CNOT2: variants seen among roughly 807,000 people sequenced by gnomAD.
CNOT2 encodes CCR4-NOT transcription complex subunit 2, also known as CC chemokine receptor 4-negative regulator of transcription 2.
In CNOT2, 7 loss-of-function variants were observed where a neutral mutation model predicts 72.1. The ratio of observed to expected loss-of-function variants is 0.10; its 90% CI spans 0.06 to 0.18. The LOEUF (loss-of-function observed/expected upper bound fraction) is 0.18, where lower values mean the gene tolerates loss of function less well. Among genes scored for constraint, CNOT2 ranks in the 10% least tolerant of loss-of-function variants. The probability of loss-of-function intolerance (pLI) is 1.00; values close to 1 mark genes in which losing one functional copy is unlikely to be tolerated. For missense variants in CNOT2, 345 were observed against 660.3 expected, an observed-to-expected ratio of 0.52 and a Z score of 5.23; for synonymous variants, 196 against 225.6, an observed-to-expected ratio of 0.87 and a Z score of 1.17.
At chr12:70,341,397 A>G (rs1046728403) in intron 11 of CNOT2, among the ~76,000 whole-genome samples, 16 of 152,098 alleles carry the variant, frequency 1.1e-4, no homozygotes, top group East Asian at 3.9e-4. Context: ...TAATATGACT[A>G]TGTCCCTTAT....
intron 2 of CNOT2, chr12:70,278,538 C>A: frequency 2.6e-6 from 1 of 391,346 alleles, no homozygotes; most frequent in South Asian, 4.3e-5. Flanking sequence ...ATTTGATATA[C>A]AAGTTATGAC....
rs145619141 is a variant in CNOT2, at chr12:70,338,903, C to G, written c.1178+81C>G. 4.1e-4 allele frequency: 473 copies of G among 1,165,878 alleles called. 2 individuals are homozygous for G. In the African/African-American group the frequency reaches 6.8e-3, roughly 17 times the overall value. The allele number at this position is 1,165,878 out of a possible 1,614,324, so 72.2% of individuals were successfully genotyped here. On this transcript the variant is annotated intron_variant, in intron 11 of 15. Transcript: ENST00000229195. Reference sequence around the variant, plus strand: ...TTTTAATATCATGTCATCAAATTATCTCACCTACTGCTACTCATTGTTAAC... The same window carrying G: ...TTTTAATATCATGTCATCAAATTATGTCACCTACTGCTACTCATTGTTAAC...
intron 1 of CNOT2, among the ~76,000 whole-genome samples, chr12:70,253,853 A>C (rs1958276881): frequency 6.6e-6 from 1 of 152,166 alleles, no homozygotes; most frequent in South Asian, 2.1e-4. Flanking sequence ...ATAGCACTGA[A>C]CCTTATATGT....
chr12:70,322,504 T>C (rs1430107773), intron 4 of CNOT2: 2 of 151,812 alleles, frequency 1.3e-5, no homozygotes, highest in African/African-American at 2.4e-5. Flanking sequence ...TGTCATTTAC[T>C]GAGTGCTTTC....
intron 2 of CNOT2, among the ~76,000 whole-genome samples, chr12:70,294,608 A>G (rs80220573): frequency 0.095 from 14,527 of 152,124 alleles, 894 homozygotes; most frequent in Middle Eastern, 0.19. Flanking sequence ...ACCCATGTTC[A>G]AAAAAGAAGC....
chr12:70,345,715 G>C (rs11178195), intron 14 of CNOT2: 33,183 of 152,108 alleles, frequency 0.22, 4,314 homozygotes, highest in Admixed American at 0.34. Context: ...TTTCAAGATA[G>C]TTAAAAAATT....
chr12:70,248,565 A>G (rs1002783241), intron 1 of CNOT2, among the ~76,000 whole-genome samples: 1 of 152,098 alleles, frequency 6.6e-6, no homozygotes, highest in Non-Finnish European at 1.5e-5. Context: ...CTCAAATCTG[A>G]AACTGTGTTT....
At chr12:70,283,930 A>ATTTTTTT (rs776119049) in intron 2 of CNOT2, among the ~76,000 whole-genome samples, 4 of 117,430 alleles carry the variant, frequency 3.4e-5, no homozygotes, top group East Asian at 2.7e-4. Context: ...CATGATGTAA[A>ATTTTTTT]TTTTTTTTTT....
rs2293279 is a variant in CNOT2, at chr12:70,342,434, C to T, written c.1290+127C>T. The T allele has an allele frequency of 0.042, 45,101 of 1,075,370 alleles. 4,791 individuals are homozygous for T. In the East Asian group the frequency reaches 0.42, roughly 10 times the overall value. The allele number at this position is 1,075,370 out of a possible 1,614,324, so 66.6% of individuals were successfully genotyped here. Reference sequence around the variant, plus strand: ...GTCTCAGGGATATGCTTTCATATGTCCATGTTAACTTGTTAAATGGTAAAT... The same window carrying T: ...GTCTCAGGGATATGCTTTCATATGTTCATGTTAACTTGTTAAATGGTAAAT... On this transcript the variant is annotated intron_variant, in intron 13 of 15. Transcript: ENST00000229195.
At chr12:70,257,043 T>C (rs555222393) in intron 1 of CNOT2, among the ~76,000 whole-genome samples, 1 of 151,944 alleles carries the variant, frequency 6.6e-6, no homozygotes, top group Admixed American at 6.6e-5. Context: ...ATTTTTTTTT[T>C]ACTTTTATAA....
At chr12:70,305,482 G>A (rs76914203) in intron 2 of CNOT2, among the ~76,000 whole-genome samples, 241 of 152,284 alleles carry the variant, frequency 1.6e-3, no homozygotes, top group African/African-American at 5.6e-3. Context: ...GGAAATGACC[G>A]TAGAGATGAA....
chr12:70,301,492 T>G (rs1270995976), intron 2 of CNOT2, among the ~76,000 whole-genome samples: 1 of 152,186 alleles, frequency 6.6e-6, no homozygotes, highest in African/African-American at 2.4e-5. Context: ...GCCGTTTTTT[T>G]TCTTTGGTTC....
intron 11 of CNOT2, among the ~76,000 whole-genome samples, chr12:70,339,113 C>T (rs185937860): frequency 4.0e-5 from 6 of 150,016 alleles, no homozygotes; most frequent in Admixed American, 1.3e-4. Flanking sequence ...CACACACACA[C>T]CTTCCAGAAT....
chr12:70,330,685 G>GTA (rs777269236), intron 6 of CNOT2: 10 of 433,300 alleles, frequency 2.3e-5, no homozygotes, highest in Non-Finnish European at 4.1e-5. Flanking sequence ...TTTTGTTGTT[G>GTA]TGGTTGTTAG....
intron 2 of CNOT2, among the ~76,000 whole-genome samples, chr12:70,306,644 A>G (rs961827859): frequency 6.6e-6 from 1 of 152,218 alleles, no homozygotes; most frequent in African/African-American, 2.4e-5. Context: ...GTGAGTGTCA[A>G]GTAAAAAGGT....
chr12:70,314,822 C>T (rs1328006506), intron 3 of CNOT2, among the ~76,000 whole-genome samples: 1 of 150,194 alleles, frequency 6.7e-6, no homozygotes, highest in Non-Finnish European at 1.5e-5. Context: ...TCCCTTGCCC[C>T]TTTTCTCTTT....
In CNOT2 at chr12:70,298,788, G is replaced by A. The variant is rs996245448; in HGVS notation, c.49-12107G>A. 2.6e-4 allele frequency among the ~76,000 whole-genome samples: 40 copies of A among 152,288 alleles called. 1 individual carries two copies. Among genetic ancestry groups the A allele is most frequent in the Middle Eastern group, 3.4e-3 (1 of 294 alleles). ...GAAGGTATGGCAAGGGTTTGGTGGTGTCAGGGGACTTAGGAGAGAAGTTAG... is the reference window on the plus strand; with the variant it reads ...GAAGGTATGGCAAGGGTTTGGTGGTATCAGGGGACTTAGGAGAGAAGTTAG... On this transcript the variant is annotated intron_variant, in intron 2 of 15. Coordinates refer to ENST00000229195, the MANE Select transcript of CNOT2 (RefSeq NM_014515.7).
intron 14 of CNOT2, chr12:70,344,719 C>G (rs1285996566): frequency 6.6e-6 from 1 of 152,104 alleles, no homozygotes; most frequent in East Asian, 1.9e-4. Context: ...AGTGCAAGAC[C>G]CTGTCTCTAA....
chr12:70,331,468 G>T (rs904660699), intron 6 of CNOT2: 3 of 151,512 alleles, frequency 2.0e-5, no homozygotes, highest in Non-Finnish European at 4.4e-5. Flanking sequence ...ATAGTATTGG[G>T]CATTGAATGT....
Sources: gnomAD v4.1 joint callset for allele counts (sites outside exome capture counted in the v4.1 genomes callset) on GRCh38, gnomAD v4.1.1 for gene constraint, MANE v1.5 for transcripts, NCBI Gene and HGNC (gene_info 2026-07-23, HGNC 2026-07-21) for gene names.